Variants in PARD3B observed in about 807,000 individuals in gnomAD.
The protein encoded by PARD3B is partitioning defective 3 homolog B.
In PARD3B, 103 loss-of-function variants were observed where a neutral mutation model predicts 130.2. The ratio of observed to expected loss-of-function variants is 0.79; its 90% CI spans 0.67 to 0.93. PARD3B has a LOEUF of 0.93. Ranked by LOEUF, PARD3B falls within the 40% of genes least tolerant of loss-of-function variation. The pLI is 0.00. For missense variants in PARD3B, 1,609 were observed against 1,499.2 expected, an observed-to-expected ratio of 1.07 and a Z score of -1.21; for synonymous variants, 583 against 553.2, an observed-to-expected ratio of 1.05 and a Z score of -0.76.
intron 1 of PARD3B, among the ~76,000 whole-genome samples, chr2:204,626,192 T>A (rs1363266726): frequency 6.6e-6 from 1 of 152,142 alleles, no homozygotes; most frequent in Non-Finnish European, 1.5e-5. Flanking sequence ...GGTGGCAGAT[T>A]TTTGAAATGC....
In PARD3B at chr2:205,241,512, G is replaced by A. The variant is rs2039351403; in HGVS notation, c.2141-4266G>A. Among the ~76,000 whole-genome samples the A allele has an allele frequency of 6.6e-6, 1 of 152,108 alleles. No homozygotes were observed. Among genetic ancestry groups the A allele is most frequent in the South Asian group, 2.1e-4 (1 of 4,832 alleles). On this transcript the variant is annotated intron_variant, in intron 15 of 22. Transcript: ENST00000406610. This position sits in a 1 kb window ranked among gnomAD's most constrained non-coding sequence, Gnocchi z 4.2. ...ATCCATTTACGATAATCAAGAGCAA[G>A]TAGTACCAGTCCTTGGGTAAAACTG...
At chr2:204,771,865 C>T (rs1476863132) in intron 2 of PARD3B, among the ~76,000 whole-genome samples, 1 of 151,810 alleles carries the variant, frequency 6.6e-6, no homozygotes, top group Non-Finnish European at 1.5e-5. Flanking sequence ...AATTATTGAT[C>T]ACATAAGATG....
At chr2:205,224,228 G>A (rs1369267748) in intron 15 of PARD3B, among the ~76,000 whole-genome samples, 3 of 145,994 alleles carry the variant, frequency 2.1e-5, no homozygotes, top group African/African-American at 2.5e-5. Flanking sequence ...AAAATTAGCC[G>A]GGCATGGTGG....
At chr2:205,205,232 A>G (rs749658874) in intron 15 of PARD3B, among the ~76,000 whole-genome samples, 1 of 152,178 alleles carries the variant, frequency 6.6e-6, no homozygotes. Context: ...GAGTTCACTC[A>G]TGATTTGGCT....
At chr2:204,891,481 G>A (rs2046444092) in intron 2 of PARD3B, among the ~76,000 whole-genome samples, 1 of 152,170 alleles carries the variant, frequency 6.6e-6, no homozygotes, top group Non-Finnish European at 1.5e-5. Context: ...TATGCCAAGT[G>A]CCACAGTGGG....
Position 205,283,831 on chromosome 2 carries a change from T to C in PARD3B, c.2186-16699T>C, listed in dbSNP as rs574880322. On this transcript the variant is annotated intron_variant, in intron 16 of 22. Transcript: ENST00000406610. Reference sequence around the variant, plus strand: ...GCTTTTACTGTACCAGACATGCTAATAAACTCCCCTCTTCCCTGAAGTAAG... The same window carrying C: ...GCTTTTACTGTACCAGACATGCTAACAAACTCCCCTCTTCCCTGAAGTAAG... Among the ~76,000 whole-genome samples the C allele has an allele frequency of 9.2e-5, 14 of 152,312 alleles. No homozygotes were observed. In the East Asian group the frequency reaches 2.7e-3, roughly 29 times the overall value.
chr2:205,489,744 T>C (rs4527184), intron 20 of PARD3B, among the ~76,000 whole-genome samples: 63,054 of 151,712 alleles, frequency 0.42, 13,619 homozygotes, highest in Admixed American at 0.51. Flanking sequence ...TGTTACTGGC[T>C]TATTATGGTG....
intron 2 of PARD3B, among the ~76,000 whole-genome samples, chr2:204,837,103 G>A (rs2044066022): frequency 2.6e-5 from 4 of 151,990 alleles, no homozygotes; most frequent in Non-Finnish European, 5.9e-5. Context: ...GGGTATGATT[G>A]GACCCCCTGA....
chr2:205,400,941 C>T (rs2046230396), intron 18 of PARD3B, 72 bp from the exon 19 acceptor site: 1 of 1,082,220 alleles, frequency 9.2e-7, no homozygotes, highest in Admixed American at 2.1e-5. Context: ...GAGCTCATCC[C>T]ATAAATATCT....
chr2:205,151,994 G>A (rs2033792024), intron 10 of PARD3B, among the ~76,000 whole-genome samples: 1 of 152,156 alleles, frequency 6.6e-6, no homozygotes, highest in Non-Finnish European at 1.5e-5. Flanking sequence ...TCTCCGTAAA[G>A]GATTTTATTT....
intron 16 of PARD3B, among the ~76,000 whole-genome samples, chr2:205,290,889 A>T (rs952527659): frequency 6.6e-6 from 1 of 152,158 alleles, no homozygotes; most frequent in Non-Finnish European, 1.5e-5. Flanking sequence ...TGGCAAGAAG[A>T]TGGCCATCTG....
chr2:205,315,431 A>G (rs928213582), intron 18 of PARD3B, among the ~76,000 whole-genome samples: 2 of 152,190 alleles, frequency 1.3e-5, no homozygotes, highest in African/African-American at 4.8e-5. Flanking sequence ...GATGTTTCCC[A>G]GTTACCTAGT....
intron 2 of PARD3B, among the ~76,000 whole-genome samples, chr2:204,936,602 G>A (rs910912021): frequency 1.3e-5 from 2 of 152,170 alleles, no homozygotes; most frequent in Non-Finnish European, 2.9e-5. Flanking sequence ...TAGCTGTAGA[G>A]GTTTTAGAAA....
At chr2:204,753,075 G>A (rs2040526933) in intron 2 of PARD3B, among the ~76,000 whole-genome samples, 1 of 152,250 alleles carries the variant, frequency 6.6e-6, no homozygotes, top group South Asian at 2.1e-4. Flanking sequence ...GTATTTTAGA[G>A]CCAAAATCTA....
chr2:204,862,686 T>A (rs2045258992), intron 2 of PARD3B, among the ~76,000 whole-genome samples: 1 of 152,186 alleles, frequency 6.6e-6, no homozygotes, highest in Admixed American at 6.5e-5. Context: ...TCTGTTCTTG[T>A]CACCAGAGCC....
At chr2:205,250,846 T>C (rs1291445079) in intron 16 of PARD3B, among the ~76,000 whole-genome samples, 2 of 152,082 alleles carry the variant, frequency 1.3e-5, no homozygotes, top group African/African-American at 4.8e-5. Context: ...AGAGAATCGC[T>C]TGAACCCACA....
intron 4 of PARD3B, among the ~76,000 whole-genome samples, chr2:205,088,139 A>G (rs1312349805): frequency 1.3e-5 from 2 of 152,164 alleles, no homozygotes; most frequent in African/African-American, 4.8e-5. Context: ...TGAGGCCATA[A>G]CTCATGGGCA....
Position 205,619,740 on chromosome 2 carries a change from A to G in PARD3B, c.*3927A>G, listed in dbSNP as rs1318730815. The stretch of plus-strand genomic sequence containing the variant: ...TCTAAGTGAAACTCTTTTCTCCCTC[A>G]TGTCCTTAAATAGTCACAGAATCAC... On this transcript the variant is annotated 3_prime_UTR_variant, in exon 23 of 23. Coordinates refer to ENST00000406610, the MANE Select transcript of PARD3B (RefSeq NM_001302769.2). 2 of 152,252 alleles carry G rather than the reference A, an allele frequency of 1.3e-5. No individual in the cohort carries two copies. The highest frequency in any genetic ancestry group is 2.9e-5 in the Non-Finnish European group (2 of 68,046). 9.4% of individuals were successfully genotyped at this position (152,252 alleles called of 1,614,324 possible). A position where few individuals can be genotyped will look rare whatever the true frequency, so the allele number is the denominator to read the frequency against.
intron 2 of PARD3B, among the ~76,000 whole-genome samples, chr2:204,957,902 A>T (rs906345713): frequency 6.6e-6 from 1 of 152,074 alleles, no homozygotes; most frequent in Non-Finnish European, 1.5e-5. Flanking sequence ...ATTTTATAGG[A>T]TACTGGGTTT....
Sources: gnomAD v4.1 joint callset for allele counts (sites outside exome capture counted in the v4.1 genomes callset) on GRCh38, gnomAD v4.1.1 for gene constraint, Gnocchi (gnomAD v3.1) non-coding constraint, MANE v1.5 for transcripts, NCBI Gene and HGNC (gene_info 2026-07-23, HGNC 2026-07-21) for gene names.